FREM1: variants seen among roughly 807,000 people sequenced by gnomAD.
FREM1 encodes the protein FRAS1-related extracellular matrix protein 1.
Under a neutral mutation model 210.1 loss-of-function variants are expected in FREM1, and 220 were observed. That is an observed-to-expected ratio of 1.05 (90% CI 0.94 to 1.17). FREM1 has a LOEUF of 1.17. FREM1 is among the 50% of genes most tolerant of loss of function. The probability of loss-of-function intolerance (pLI) is 0.00; values close to 1 mark genes in which losing one functional copy is unlikely to be tolerated. For missense variants in FREM1, 3,454 were observed against 2,675.5 expected, an observed-to-expected ratio of 1.29 and a Z score of -6.42; for synonymous variants, 1,189 against 980.2, an observed-to-expected ratio of 1.21 and a Z score of -3.98.
rs1160654416 is a variant in FREM1, at chr9:14,747,413, A to G, written c.5860T>C (p.Ser1954Pro). The G allele has an allele frequency of 3.7e-6, 6 of 1,613,578 alleles. No homozygotes were observed. Among genetic ancestry groups the G allele is most frequent in the Non-Finnish European group, 5.1e-6 (6 of 1,179,668 alleles). ...AAACTGTCATCCTCCAGTTTCAAGG[A>G]AACTATCCCATGATACTTGAGGAAA... ...DIIYNYHGIV[S>P]LKLEDDSFPT... The change falls in exon 33 of 37, where the codon TCC becomes CCC. Residue 1954 changes from serine to proline, a missense_variant. Physicochemically the swap from Ser to Pro is moderately conservative, Grantham distance 74. Transcript: ENST00000380880.
At chr9:14,870,112 GT>G (rs1381131136) in intron 1 of FREM1, among the ~76,000 whole-genome samples, 1 of 152,154 alleles carries the variant, frequency 6.6e-6, no homozygotes, top group Non-Finnish European at 1.5e-5. Flanking sequence ...ACAAATAGTG[GT>G]TTGTTATGCC....
Position 14,868,736 on chromosome 9 carries a change from G to C in FREM1, c.234+8C>G. The C allele has an allele frequency of 1.3e-6, 2 of 1,575,428 alleles. No homozygotes were observed. Among genetic ancestry groups the C allele is most frequent in the Non-Finnish European group, 1.7e-6 (2 of 1,149,366 alleles). On this transcript the variant is annotated splice_region_variant and intron_variant, in intron 2 of 36. Coordinates refer to ENST00000380880, the MANE Select transcript of FREM1 (RefSeq NM_001379081.2). The stretch of plus-strand genomic sequence containing the variant: ...ACGACTGAACAGAAAATCGCAGATA[G>C]GACCTACCTGTGGAGTGAGTTTCCC...
intron 3 of FREM1, among the ~76,000 whole-genome samples, chr9:14,861,334 TATAC>T (rs1830510721): frequency 7.7e-6 from 1 of 130,112 alleles, no homozygotes; most frequent in African/African-American, 3.3e-5. Flanking sequence ...TATATACATA[TATAC>T]ACATATATAT....
At chr9:14,745,213 G>A (rs1842203895) in intron 35 of FREM1, among the ~76,000 whole-genome samples, 1 of 152,128 alleles carries the variant, frequency 6.6e-6, no homozygotes, top group Admixed American at 6.6e-5. Flanking sequence ...CAAACCCCAT[G>A]ACATACCATT....
chr9:14,853,880 A>G (rs1828226636), intron 5 of FREM1, among the ~76,000 whole-genome samples: 1 of 152,228 alleles, frequency 6.6e-6, no homozygotes, highest in African/African-American at 2.4e-5. Context: ...CTGGTGCTTA[A>G]TGCTAAGACC....
chr9:14,892,336 C>A (rs766241782), intron 1 of FREM1, among the ~76,000 whole-genome samples: 2 of 152,048 alleles, frequency 1.3e-5, no homozygotes, highest in African/African-American at 2.4e-5. Context: ...AGGTGGGGTG[C>A]ATTTACCAGA....
intron 10 of FREM1, among the ~76,000 whole-genome samples, chr9:14,839,850 G>A (rs1825329313): frequency 6.6e-6 from 1 of 152,212 alleles, no homozygotes; most frequent in African/African-American, 2.4e-5. Context: ...AGAAGACTTA[G>A]AAGTAAATCC....
At chr9:14,879,969 T>G (rs1834498351) in intron 1 of FREM1, among the ~76,000 whole-genome samples, 1 of 152,144 alleles carries the variant, frequency 6.6e-6, no homozygotes, top group African/African-American at 2.4e-5. Context: ...ATTTATATGT[T>G]GAAGCCCTGA....
intron 1 of FREM1, among the ~76,000 whole-genome samples, chr9:14,884,307 T>C (rs1274770471): frequency 6.6e-6 from 1 of 152,230 alleles, no homozygotes; most frequent in Non-Finnish European, 1.5e-5. Context: ...AGCTGTTTCT[T>C]AACATTTCGA....
intron 1 of FREM1, among the ~76,000 whole-genome samples, chr9:14,880,514 G>C (rs1834594457): frequency 6.7e-6 from 1 of 148,650 alleles, no homozygotes; most frequent in African/African-American, 2.5e-5. Flanking sequence ...TGAGGCAGGA[G>C]AATCACTTGA....
intron 18 of FREM1, among the ~76,000 whole-genome samples, 190 bp from the exon 19 acceptor site, chr9:14,805,342 G>A (rs1410454075): frequency 6.6e-6 from 1 of 152,212 alleles, no homozygotes; most frequent in Non-Finnish European, 1.5e-5. Flanking sequence ...GATATCCACA[G>A]ATCATACAGA....
chr9:14,780,538 G>A (rs1406218637), intron 24 of FREM1, among the ~76,000 whole-genome samples: 1 of 151,290 alleles, frequency 6.6e-6, no homozygotes, highest in Admixed American at 6.6e-5. Flanking sequence ...CTAATCACTC[G>A]GTGTCATCTG....
At position 14,789,095 on chromosome 9, in the gene FREM1, G is replaced by T. The variant is rs886063768; in HGVS notation, c.4001C>A (p.Pro1334His). The T allele has an allele frequency of 3.8e-6, 6 of 1,594,440 alleles. No homozygotes were observed. In the African/African-American group the frequency reaches 8.0e-5, roughly 21 times the overall value. The change falls in exon 23 of 37, where the codon CCT (proline) becomes CAT (histidine). Residue 1334 changes from proline to histidine, a missense_variant. Pro to His is a moderately conservative substitution (Grantham distance 77). Coordinates refer to ENST00000380880, the MANE Select transcript of FREM1 (RefSeq NM_001379081.2). ...LQLKIGRDWV[P>H]LSPGMKCTQE... ...AGTGCATTTCATGCCAGGGGAGAGAGGAACCCAGTCCCTCCCTATCTGGAA... is the reference window on the plus strand; with the variant it reads ...AGTGCATTTCATGCCAGGGGAGAGATGAACCCAGTCCCTCCCTATCTGGAA...
chr9:14,896,052 G>A (rs1356519710), intron 1 of FREM1, among the ~76,000 whole-genome samples: 1 of 152,118 alleles, frequency 6.6e-6, no homozygotes, highest in Non-Finnish European at 1.5e-5. Flanking sequence ...GAGAGAGGAG[G>A]TCAGCACAAG....
intron 22 of FREM1, chr9:14,790,877 T>C (rs1851184046): frequency 6.6e-6 from 1 of 152,324 alleles, no homozygotes; most frequent in African/African-American, 2.4e-5. Context: ...GTGTGAGCTC[T>C]CACTGCATTT....
At chr9:14,860,199 T>C (rs1403251460) in intron 3 of FREM1, among the ~76,000 whole-genome samples, 4 of 152,076 alleles carry the variant, frequency 2.6e-5, no homozygotes, top group Non-Finnish European at 5.9e-5. Flanking sequence ...AAACCTAGGA[T>C]ATCCAGACAT....
At chr9:14,857,496 T>C (rs543752651) in intron 5 of FREM1, 57 bp downstream of exon 5, 1 of 1,407,162 alleles carries the variant, frequency 7.1e-7, no homozygotes, top group East Asian at 2.3e-5. Flanking sequence ...TAAGCCTGTG[T>C]AACTGGCTCT....
chr9:14,797,783 T>C (rs1852726168), intron 20 of FREM1, 141 bp from the exon 21 acceptor site: 2 of 571,830 alleles, frequency 3.5e-6, no homozygotes, highest in Non-Finnish European at 5.9e-6. Context: ...ATTAAACTTG[T>C]TTTATGAAGT....
chr9:14,890,998 A>C (rs1836717889), intron 1 of FREM1, among the ~76,000 whole-genome samples: 1 of 152,216 alleles, frequency 6.6e-6, no homozygotes, highest in South Asian at 2.1e-4. Flanking sequence ...AAAAACACTC[A>C]CATTCATCAT....
Sources: allele counts gnomAD v4.1 joint callset (sites outside exome capture counted in the v4.1 genomes callset), GRCh38; gene constraint gnomAD v4.1.1; transcripts MANE v1.5; gene names NCBI Gene and HGNC (gene_info 2026-07-23, HGNC 2026-07-21).